ISY1: variants seen among roughly 807,000 people sequenced by gnomAD.
ISY1 encodes pre-mRNA-splicing factor ISY1 homolog.
A neutral mutation model predicts 54.4 loss-of-function variants in ISY1; 12 were observed. That is an observed-to-expected ratio of 0.22 (90% CI 0.14 to 0.36). The LOEUF is 0.36. Among genes scored for constraint, ISY1 ranks in the 10% least tolerant of loss-of-function variants. ISY1 has a pLI of 1.00. For synonymous variants in ISY1, 96 were observed against 117.9 expected, an observed-to-expected ratio of 0.81 and a Z score of 1.20; for missense variants, 282 against 342.2, an observed-to-expected ratio of 0.82 and a Z score of 1.39.
intron 7 of ISY1, among the ~76,000 whole-genome samples, chr3:129,138,962 T>A (rs1410205946): frequency 1.3e-5 from 2 of 151,942 alleles, no homozygotes; most frequent in Non-Finnish European, 2.9e-5. Flanking sequence ...TGAGATGGAG[T>A]CCTGCTCTGC....
chr3:129,149,474 C>CACAGCAG (rs1199101273), intron 5 of ISY1, among the ~76,000 whole-genome samples: 1 of 130,320 alleles, frequency 7.7e-6, no homozygotes, highest in Non-Finnish European at 1.6e-5. Flanking sequence ...GCATGCTGGG[C>CACAGCAG]ACAGCAGCTC....
chr3:129,159,114 G>C lies in ISY1; in HGVS notation c.26+40C>G, dbSNP rs770377893. The C allele has an allele frequency of 5.6e-6, 9 of 1,601,276 alleles. No homozygotes were observed. The African/African-American group carries it at 1.2e-4, about 22-fold the overall frequency. On this transcript the variant is annotated intron_variant, in intron 2 of 10. Coordinates refer to ENST00000393295, the MANE Select transcript of ISY1 (RefSeq NM_020701.4). ...CAAAGAGTTACATGGTGGTTTTTAA[G>C]TTACAAAAAATTTACAGCCAAAAAC...
rs773165365 is a variant in ISY1, at chr3:129,140,497, G to A, written c.301-12C>T. ...TTAGGGCCAACTTTCTTATTGGGAA[G>A]AAAAAAAGAGAAAATGGATCTGTTA... is the stretch of plus-strand genomic sequence containing the variant. On this transcript the variant is annotated splice_polypyrimidine_tract_variant and intron_variant, in intron 6 of 10. Transcript: ENST00000393295. 3.2e-6 allele frequency: 5 copies of A among 1,584,518 alleles called. No homozygotes were observed. Among genetic ancestry groups the A allele is most frequent in the African/African-American group, 1.4e-5 (1 of 72,832 alleles).
chr3:129,156,214 T>C (rs1006984319), intron 5 of ISY1, among the ~76,000 whole-genome samples: 2 of 151,666 alleles, frequency 1.3e-5, no homozygotes, highest in African/African-American at 2.4e-5. Flanking sequence ...CTGGCTAACA[T>C]GGTGAAACCC....
chr3:129,161,034 G>A lies in ISY1; in HGVS notation c.-59C>T, dbSNP rs1163496225. ...GGCCCCTGTCCAAGAAACTCCACAG[G>A]CCCAGAAGACGCCGACGCTCACAGG... On this transcript the variant is annotated 5_prime_UTR_variant, in exon 1 of 11. Transcript: ENST00000393295. The A allele has an allele frequency of 6.5e-7, 1 of 1,537,854 alleles. No homozygotes were observed. The highest frequency in any genetic ancestry group is 8.8e-7 in the Non-Finnish European group (1 of 1,140,332).
intron 2 of ISY1, 41 bp from the exon 3 acceptor site, chr3:129,158,600 G>C (rs754951560): frequency 5.6e-6 from 9 of 1,613,224 alleles, no homozygotes; most frequent in Non-Finnish European, 7.6e-6. Context: ...ATTAGATCCT[G>C]CTCATACAGA....
chr3:129,141,867 G>A (rs1392896243), intron 6 of ISY1, among the ~76,000 whole-genome samples: 1 of 151,856 alleles, frequency 6.6e-6, no homozygotes, highest in African/African-American at 2.4e-5. Flanking sequence ...ACAATTAGTG[G>A]AAAACAAATG....
At chr3:129,157,677 C>T (rs759829376) in intron 3 of ISY1, among the ~76,000 whole-genome samples, 81 of 146,738 alleles carry the variant, frequency 5.5e-4, no homozygotes, top group Non-Finnish European at 9.5e-4. Context: ...GCCAAGATCA[C>T]GCCACTGCAC....
In ISY1 at chr3:129,129,331, A is replaced by G. The variant is rs1936175349; in HGVS notation, c.*750T>C. ...TAACGGAGAGCCCAGAGCAGCAACC[A>G]ACACAGAGGGACCTGGTCATTGACT... On this transcript the variant is annotated 3_prime_UTR_variant, in exon 11 of 11. Transcript: ENST00000393295. The G allele has an allele frequency of 6.6e-6, 1 of 151,924 alleles. No homozygotes were observed. The highest frequency in any genetic ancestry group is 2.1e-4 in the South Asian group (1 of 4,800). The allele number at this position is 151,924 out of a possible 1,614,324, so 9.4% of individuals were successfully genotyped here.
At position 129,137,685 on chromosome 3, in the gene ISY1, C is replaced by T. The variant is rs191112746; in HGVS notation, c.418+2683G>A. Among the ~76,000 whole-genome samples, 783 of 151,890 alleles carry T rather than the reference C, an allele frequency of 5.2e-3. 6 individuals carry two copies. The highest frequency in any genetic ancestry group is 0.016 in the African/African-American group (670 of 41,420). ...CAGCACTTTGGGAGGCCGAGGCGGG[C>T]GGATCACGAGGTCAGGAGATAGAGA... is the stretch of plus-strand genomic sequence containing the variant. On this transcript the variant is annotated intron_variant, in intron 7 of 10. Coordinates refer to ENST00000393295, the MANE Select transcript of ISY1 (RefSeq NM_020701.4).
chr3:129,135,091 G>T, intron 7 of ISY1, 137 bp from the exon 8 acceptor site: 1 of 1,229,036 alleles, frequency 8.1e-7, no homozygotes, highest in Non-Finnish European at 1.1e-6. Flanking sequence ...GCTCATGCTT[G>T]TAATCCTAGC....
chr3:129,130,280 C>A, intron 10 of ISY1, 92 bp from the exon 11 acceptor site: 1 of 1,472,346 alleles, frequency 6.8e-7, no homozygotes, highest in Non-Finnish European at 9.0e-7. Flanking sequence ...TGGGAGAAGT[C>A]CATCAAGGAG....
chr3:129,157,060 A>C (rs1937163527), intron 3 of ISY1, 140 bp from the exon 4 acceptor site: 1 of 891,336 alleles, frequency 1.1e-6, no homozygotes, highest in African/African-American at 1.7e-5. Flanking sequence ...ATCCTCATCA[A>C]GCCTTAAACC....
intron 3 of ISY1, among the ~76,000 whole-genome samples, chr3:129,157,787 C>A (rs914144273): frequency 3.3e-5 from 5 of 151,298 alleles, no homozygotes; most frequent in Admixed American, 2.6e-4. Context: ...AAACAAGCAG[C>A]CAGATCCATC....
chr3:129,148,569 T>C (rs554645131), intron 5 of ISY1, among the ~76,000 whole-genome samples: 19 of 151,974 alleles, frequency 1.3e-4, no homozygotes, highest in African/African-American at 4.6e-4. Flanking sequence ...TGCATCTACA[T>C]TTTATTTTAT....
At chr3:129,160,525 T>TAAGGAA (rs1346892909) in intron 1 of ISY1, among the ~76,000 whole-genome samples, 3 of 151,740 alleles carry the variant, frequency 2.0e-5, no homozygotes, top group Non-Finnish European at 4.4e-5. Flanking sequence ...AAGGAAGCAA[T>TAAGGAA]AAGGAAAAGA....
chr3:129,135,069 G>A (rs1333346553), intron 7 of ISY1, 115 bp from the exon 8 acceptor site: 2 of 1,342,064 alleles, frequency 1.5e-6, no homozygotes, highest in East Asian at 3.0e-5. Context: ...AAAATACCAG[G>A]TGGGCGCAGT....
chr3:129,156,777 G>A (rs189335851), intron 4 of ISY1, 78 bp downstream of exon 4: 1 of 1,574,552 alleles, frequency 6.4e-7, no homozygotes, highest in Non-Finnish European at 8.6e-7. Context: ...TAGACTTTTG[G>A]TCTAACAGTC....
At chr3:129,140,324 GATT>G in intron 7 of ISY1, 41 bp downstream of exon 7, 1 of 1,548,360 alleles carries the variant, frequency 6.5e-7, no homozygotes, top group Non-Finnish European at 8.8e-7. Context: ...CTACTCTTAT[GATT>G]ATTACCAATG....
Sources: gnomAD v4.1 joint callset for allele counts (sites outside exome capture counted in the v4.1 genomes callset) on GRCh38, gnomAD v4.1.1 for gene constraint, MANE v1.5 for transcripts, NCBI Gene and HGNC (gene_info 2026-07-23, HGNC 2026-07-21) for gene names.